Variants in ABCB11 observed in about 807,000 individuals in gnomAD.
The protein encoded by ABCB11 is bile salt export pump.
In ABCB11, 95 loss-of-function variants were observed where a neutral mutation model predicts 148.0. That is an observed-to-expected ratio of 0.64 (90% CI 0.54 to 0.76). The LOEUF is 0.76. ABCB11 is among the 30% of genes least tolerant of loss of function. The pLI is 0.00. For synonymous variants in ABCB11, 591 were observed against 555.4 expected (o/e 1.06, Z -0.90); for missense variants, 1,523 against 1,617.8 (o/e 0.94, Z 1.01).
chr2:168,939,815 A>G (rs1431745744), intron 21 of ABCB11, among the ~76,000 whole-genome samples: 1 of 152,046 alleles, frequency 6.6e-6, no homozygotes, highest in East Asian at 1.9e-4. Flanking sequence ...TTCCAATGGT[A>G]TGTGTTCATT....
intron 19 of ABCB11, among the ~76,000 whole-genome samples, chr2:168,948,283 T>C (rs545445678): frequency 6.6e-6 from 1 of 151,798 alleles, no homozygotes; most frequent in East Asian, 2.0e-4. Context: ...GGACACAGGC[T>C]TGGATTCTTT....
intron 10 of ABCB11, among the ~76,000 whole-genome samples, chr2:168,981,490 T>C (rs1296561866): frequency 6.6e-6 from 1 of 152,044 alleles, no homozygotes. Context: ...CAGGATCAAA[T>C]GAGATAATGT....
chr2:168,980,029 T>A, intron 10 of ABCB11, 50 bp from the exon 11 acceptor site: 1 of 1,065,282 alleles, frequency 9.4e-7, no homozygotes, highest in Non-Finnish European at 1.4e-6. Flanking sequence ...AATGTGTAAA[T>A]AGTAATTACT....
chr2:168,974,395 C>T (rs10177015), intron 12 of ABCB11, among the ~76,000 whole-genome samples: 86,701 of 151,586 alleles, frequency 0.57, 25,011 homozygotes, highest in East Asian at 0.72. Context: ...GTAGGTCTTG[C>T]GAGGAAAGAA....
At chr2:168,938,836 A>T (rs1246726575) in intron 21 of ABCB11, among the ~76,000 whole-genome samples, 2 of 152,058 alleles carry the variant, frequency 1.3e-5, no homozygotes, top group African/African-American at 2.4e-5. Context: ...GTATTTTTTT[A>T]AAAATTGAAA....
intron 1 of ABCB11, among the ~76,000 whole-genome samples, chr2:169,029,533 T>C (rs1239523129): frequency 6.6e-6 from 1 of 152,052 alleles, no homozygotes; most frequent in Non-Finnish European, 1.5e-5. Flanking sequence ...ATGAGGCCCT[T>C]CCAGCCCTGA....
chr2:168,957,973 C>A lies in ABCB11; in HGVS notation c.2334G>T (p.Gln778His). The A allele has an allele frequency of 6.3e-7, 1 of 1,577,002 alleles. No homozygotes were observed. Among genetic ancestry groups the A allele is most frequent in the Non-Finnish European group, 8.7e-7 (1 of 1,152,414 alleles). Residue 778 changes from glutamine (Q) to histidine (H), a missense_variant, in exon 19 of 28, where the codon CAG (glutamine) becomes CAT (histidine). Gln to His is a conservative substitution (Grantham distance 24). Coordinates refer to ENST00000650372, the MANE Select transcript of ABCB11 (RefSeq NM_003742.4). ...CCAGCTGTGTACTTACCCCAAGAAT[C>A]TGGCTGAATAAAAAGGCATACAAGG... is the stretch of plus-strand genomic sequence containing the variant. ...VTPLYAFLFS[Q>H]ILGTFSIPDK...
At chr2:168,991,118 T>C (rs953136365) in intron 8 of ABCB11, among the ~76,000 whole-genome samples, 193 bp from the exon 9 acceptor site, 1 of 152,118 alleles carries the variant, frequency 6.6e-6, no homozygotes, top group Non-Finnish European at 1.5e-5. Context: ...TGTCTGGTTG[T>C]TGATATATCA....
At chr2:168,924,938 A>G (rs924591688) in intron 26 of ABCB11, 135 bp from the exon 27 acceptor site, 28 of 617,424 alleles carry the variant, frequency 4.5e-5, no homozygotes, top group Admixed American at 7.0e-5. Context: ...GAGTCCTCCT[A>G]TAGGATGGAG....
At chr2:168,964,442 G>C (rs1693210533) in intron 17 of ABCB11, 134 bp from the exon 18 acceptor site, 1 of 720,406 alleles carries the variant, frequency 1.4e-6, no homozygotes, top group Non-Finnish European at 2.3e-6. Flanking sequence ...CCAGGAAAGG[G>C]AGCTTGCAGG....
intron 10 of ABCB11, among the ~76,000 whole-genome samples, chr2:168,984,760 A>G (rs1022798583): frequency 3.3e-5 from 5 of 152,128 alleles, no homozygotes; most frequent in Admixed American, 3.3e-4. Flanking sequence ...TGCTGGTCTT[A>G]TCAATTCAAA....
intron 10 of ABCB11, 27 bp from the exon 11 acceptor site, chr2:168,980,006 A>G (rs897831512): frequency 6.3e-6 from 9 of 1,431,918 alleles, no homozygotes; most frequent in African/African-American, 4.2e-5. Context: ...GAGATTTTTC[A>G]TGTGTTTTTG....
At chr2:168,958,778 T>C (rs2105936438) in intron 18 of ABCB11, among the ~76,000 whole-genome samples, 1 of 151,814 alleles carries the variant, frequency 6.6e-6, no homozygotes. Context: ...TAGCAGTTTT[T>C]TATCTTCTCA....
At chr2:168,987,451 C>T in intron 9 of ABCB11, among the ~76,000 whole-genome samples, 1 of 152,130 alleles carries the variant, frequency 6.6e-6, no homozygotes, top group Non-Finnish European at 1.5e-5. Flanking sequence ...TTTTTTGAGA[C>T]AGGGTCTCAC....
chr2:168,986,364 G>A, intron 9 of ABCB11, 80 bp from the exon 10 acceptor site: 4 of 1,225,940 alleles, frequency 3.3e-6, no homozygotes, highest in South Asian at 2.7e-5. Context: ...TGATGCAGTG[G>A]TTTTACAAAA....
intron 25 of ABCB11, 128 bp downstream of exon 25, chr2:168,930,537 T>A (rs1691517403): frequency 1.6e-6 from 1 of 611,782 alleles, no homozygotes; most frequent in South Asian, 6.1e-5. Flanking sequence ...CTGGAAAATA[T>A]GCATGGGGTA....
intron 13 of ABCB11, among the ~76,000 whole-genome samples, chr2:168,973,085 C>T (rs2389609): frequency 0.57 from 87,032 of 151,774 alleles, 25,214 homozygotes; most frequent in East Asian, 0.75. Context: ...TGTTATTATT[C>T]CTATATTTAG....
chr2:168,986,861 A>G (rs1558910076), intron 9 of ABCB11, among the ~76,000 whole-genome samples: 2 of 152,294 alleles, frequency 1.3e-5, no homozygotes, highest in Non-Finnish European at 2.9e-5. Context: ...CAGTAATTCC[A>G]TGATCTAGCC....
chr2:168,917,902 T>C (rs1027996513), downstream of ABCB11, among the ~76,000 whole-genome samples: 1 of 152,246 alleles, frequency 6.6e-6, no homozygotes, highest in Non-Finnish European at 1.5e-5. Flanking sequence ...TAAATGTAAA[T>C]GCACCTCAGA....
Sources: allele counts gnomAD v4.1 joint callset (sites outside exome capture counted in the v4.1 genomes callset), GRCh38; gene constraint gnomAD v4.1.1; transcripts MANE v1.5; gene names NCBI Gene and HGNC (gene_info 2026-07-23, HGNC 2026-07-21).